Variants in DRC11 observed in about 807,000 individuals in gnomAD.
DRC11 encodes IQ and AAA domain-containing protein 1.
chr2:236,486,953 A>G, the DRC11 span: 2 of 1,395,842 alleles, frequency 1.4e-6, no homozygotes, highest in Non-Finnish European at 9.9e-7. This position sits in a 1 kb window ranked among gnomAD's most constrained non-coding sequence, Gnocchi z 5.7. Flanking sequence ...TAAAGAAAAC[A>G]TGGCTTGCAG....
the DRC11 span, among the ~76,000 whole-genome samples, chr2:236,491,207 TATATACAC>T: frequency 5.2e-4 from 29 of 56,114 alleles, no homozygotes; most frequent in African/African-American, 2.2e-3. Flanking sequence ...TATATATATA[TATATACAC>T]ACAGTATATA....
At chr2:236,401,578 T>C in the DRC11 span, among the ~76,000 whole-genome samples, 2 of 152,206 alleles carry the variant, frequency 1.3e-5, no homozygotes, top group Non-Finnish European at 2.9e-5. The surrounding 1 kb of genome is among the most constrained non-coding windows in gnomAD (Gnocchi z 4.6). Context: ...AATGAAATGT[T>C]GAACTCACCC....
At chr2:236,486,900 C>A in the DRC11 span, 5 of 1,602,000 alleles carry the variant, frequency 3.1e-6, no homozygotes, top group African/African-American at 6.7e-5. This position sits in a 1 kb window ranked among gnomAD's most constrained non-coding sequence, Gnocchi z 5.7. Flanking sequence ...CGTCGCCAAA[C>A]CTAAAAACAA....
chr2:236,401,684 G>A, the DRC11 span, among the ~76,000 whole-genome samples: 1 of 150,600 alleles, frequency 6.6e-6, no homozygotes, highest in Non-Finnish European at 1.5e-5. The surrounding 1 kb of genome is among the most constrained non-coding windows in gnomAD (Gnocchi z 4.6). Flanking sequence ...GCCTCACAGT[G>A]TATGATCCCG....
chr2:236,323,294 T>C, the DRC11 span, among the ~76,000 whole-genome samples: 1 of 151,946 alleles, frequency 6.6e-6, no homozygotes, highest in Non-Finnish European at 1.5e-5. The surrounding 1 kb of genome is among the most constrained non-coding windows in gnomAD (Gnocchi z 6.4). Flanking sequence ...GGTGGGGGAG[T>C]CTGCCATTTC....
At chr2:236,328,294 T>G in the DRC11 span, among the ~76,000 whole-genome samples, 16,462 of 151,954 alleles carry the variant, frequency 0.11, 2,232 homozygotes, top group African/African-American at 0.32. This position sits in a 1 kb window ranked among gnomAD's most constrained non-coding sequence, Gnocchi z 6.7. Flanking sequence ...ACTTCAGGGG[T>G]TTTAATGATA....
At chr2:236,439,340 T>A in the DRC11 span, among the ~76,000 whole-genome samples, 1 of 152,170 alleles carries the variant, frequency 6.6e-6, no homozygotes, top group African/African-American at 2.4e-5. Flanking sequence ...TATAGTTTTT[T>A]AAAAAAACTT....
chr2:236,315,521 A>G, the DRC11 span, among the ~76,000 whole-genome samples: 2 of 152,240 alleles, frequency 1.3e-5, no homozygotes, highest in East Asian at 1.9e-4. The surrounding 1 kb of genome is among the most constrained non-coding windows in gnomAD (Gnocchi z 5.1). Flanking sequence ...CCAGAGGAAT[A>G]TAAATCATTC....
the DRC11 span, among the ~76,000 whole-genome samples, chr2:236,498,457 G>T: frequency 2.9e-4 from 40 of 138,590 alleles, no homozygotes; most frequent in East Asian, 8.5e-3. Flanking sequence ...GAGCGAGACT[G>T]TCTTAAAAAA....
the DRC11 span, chr2:236,440,941 A>G: frequency 1.4e-6 from 1 of 711,740 alleles, no homozygotes; most frequent in Non-Finnish European, 2.4e-6. Flanking sequence ...TTTGTAGGAA[A>G]ATAACCAAGA....
chr2:236,454,518 TAAAAATATAA>T, the DRC11 span, among the ~76,000 whole-genome samples: 1 of 152,208 alleles, frequency 6.6e-6, no homozygotes, highest in Non-Finnish European at 1.5e-5. This position sits in a 1 kb window ranked among gnomAD's most constrained non-coding sequence, Gnocchi z 5.3. Context: ...GAGAATTTAC[TAAAAATATAA>T]TTACACAAGG....
the DRC11 span, chr2:236,465,539 G>C: frequency 3.1e-6 from 5 of 1,614,012 alleles, no homozygotes; most frequent in Non-Finnish European, 8.5e-7. The surrounding 1 kb of genome is among the most constrained non-coding windows in gnomAD (Gnocchi z 6.2). Context: ...ATCTGGTCTT[G>C]AAGGTTCTCC....
chr2:236,499,143 C>T, the DRC11 span, among the ~76,000 whole-genome samples: 1 of 152,202 alleles, frequency 6.6e-6, no homozygotes, highest in East Asian at 1.9e-4. This position sits in a 1 kb window ranked among gnomAD's most constrained non-coding sequence, Gnocchi z 4.7. Context: ...CTGTGCCTGG[C>T]GTCCTGAGTC....
At chr2:236,410,747 C>A in the DRC11 span, among the ~76,000 whole-genome samples, 1 of 150,624 alleles carries the variant, frequency 6.6e-6, no homozygotes, top group Non-Finnish European at 1.5e-5. Flanking sequence ...TGCCACATAT[C>A]TACAACTATC....
At chr2:236,403,315 G>C in the DRC11 span, among the ~76,000 whole-genome samples, 4 of 151,842 alleles carry the variant, frequency 2.6e-5, no homozygotes, top group African/African-American at 7.3e-5. Flanking sequence ...AGTGGCGGGA[G>C]AGAGAGAGAG....
At chr2:236,418,276 G>A in the DRC11 span, among the ~76,000 whole-genome samples, 70 of 152,246 alleles carry the variant, frequency 4.6e-4, 1 homozygote, top group Non-Finnish European at 8.7e-4. Flanking sequence ...TCTAATTGGC[G>A]TGAGATAGTA....
the DRC11 span, among the ~76,000 whole-genome samples, chr2:236,327,255 T>C: frequency 6.6e-6 from 1 of 152,130 alleles, no homozygotes; most frequent in Non-Finnish European, 1.5e-5. Context: ...TCACAAACTG[T>C]TCTTTTTGTT....
chr2:236,358,335 ATAT>A, the DRC11 span, among the ~76,000 whole-genome samples: 3 of 132,830 alleles, frequency 2.3e-5, no homozygotes, highest in East Asian at 4.7e-4. Context: ...AATATATATG[ATAT>A]ATAGATATAT....
At chr2:236,358,074 TTA>T in the DRC11 span, among the ~76,000 whole-genome samples, 151 of 120,306 alleles carry the variant, frequency 1.3e-3, no homozygotes, top group Non-Finnish European at 2.1e-3. Context: ...GAATATATAT[TTA>T]TAATATATAG....
Sources: allele counts gnomAD v4.1 joint callset (sites outside exome capture counted in the v4.1 genomes callset), GRCh38; gene constraint gnomAD v4.1.1; non-coding constraint Gnocchi (gnomAD v3.1); transcripts MANE v1.5; gene names NCBI Gene and HGNC (gene_info 2026-07-23, HGNC 2026-07-21).